Variants in NLGN1 observed in about 807,000 individuals in gnomAD.
NLGN1 encodes neuroligin 1, also known as neuroligin-1.
A neutral mutation model predicts 65.5 loss-of-function variants in NLGN1; 12 were observed. The observed-to-expected ratio is 0.18, with a 90% CI of 0.12 to 0.30. NLGN1 has a LOEUF of 0.30. Ranked by LOEUF, NLGN1 falls within the 10% of genes least tolerant of loss-of-function variation. The pLI, the probability that NLGN1 is intolerant of heterozygous loss-of-function variation, is 1.00. For missense variants in NLGN1, 750 were observed against 1,007.1 expected (o/e 0.74, Z 3.46); for synonymous variants, 350 against 359.5 (o/e 0.97, Z 0.30).
intron 2 of NLGN1, among the ~76,000 whole-genome samples, chr3:173,518,476 TA>T (rs1295156619): frequency 2.7e-4 from 40 of 150,748 alleles, no homozygotes; most frequent in Non-Finnish European, 2.2e-4. Flanking sequence ...TATATATACT[TA>T]TATATTATAA....
chr3:173,717,149 A>G (rs1769995917), intron 3 of NLGN1, among the ~76,000 whole-genome samples: 1 of 152,178 alleles, frequency 6.6e-6, no homozygotes, highest in Non-Finnish European at 1.5e-5. Flanking sequence ...CCAATTTGGT[A>G]TGGTGATGCC....
At chr3:173,472,714 A>G (rs148358790) in intron 2 of NLGN1, among the ~76,000 whole-genome samples, 1 of 152,262 alleles carries the variant, frequency 6.6e-6, no homozygotes, top group East Asian at 1.9e-4. Flanking sequence ...GTGGGAATAC[A>G]TAAAAAACGT....
intron 4 of NLGN1, among the ~76,000 whole-genome samples, chr3:174,055,228 A>G (rs559797916): frequency 6.6e-6 from 1 of 151,132 alleles, no homozygotes. Context: ...TAATTATTGA[A>G]TAAATTAATC....
chr3:174,280,844 C>G lies in NLGN1; in HGVS notation c.2013C>G (p.Asp671Glu). ...GTCCATTTTCAGTGGATCAAAGGGA[C>G]TACTCAACAGAGCTGAGTGTCACTA... is the stretch of plus-strand genomic sequence containing the variant. The change falls in exon 7 of 7, where the codon GAC becomes GAG. Residue 671 changes from aspartate to glutamate, a missense_variant. Transcript: ENST00000457714. The surrounding 1 kb of genome is among the most constrained non-coding windows in gnomAD (Gnocchi z 4.9). 6.2e-7 allele frequency: 1 copy of G among 1,613,406 alleles called. No individual in the cohort carries two copies.
intron 4 of NLGN1, among the ~76,000 whole-genome samples, chr3:173,839,918 C>G (rs1724459866): frequency 6.6e-6 from 1 of 152,186 alleles, no homozygotes. Flanking sequence ...ACTTATAAAG[C>G]AACTGAGGCA....
intron 3 of NLGN1, among the ~76,000 whole-genome samples, chr3:173,787,219 T>G (rs1442028919): frequency 6.6e-6 from 1 of 152,200 alleles, no homozygotes; most frequent in Non-Finnish European, 1.5e-5. Context: ...CATGTGCAAA[T>G]TTTTAAAAAC....
chr3:174,004,969 T>G (rs1300050692), intron 4 of NLGN1, among the ~76,000 whole-genome samples: 1 of 152,300 alleles, frequency 6.6e-6, no homozygotes, highest in East Asian at 1.9e-4. Context: ...GATAAAAGCC[T>G]CTAAAGATTA....
In NLGN1 at chr3:174,253,347, C is replaced by T. The variant is rs148524804; in HGVS notation, c.647-21968C>T. ...GCATCTGTCTCTTGCACCATCTCTGCCAAATGTCACCCTTCCTCTCGGGTT... is the reference window on the plus strand; with the variant it reads ...GCATCTGTCTCTTGCACCATCTCTGTCAAATGTCACCCTTCCTCTCGGGTT... On this transcript the variant is annotated intron_variant, in intron 4 of 6. Coordinates refer to ENST00000457714, the Ensembl canonical transcript of NLGN1. Among the ~76,000 whole-genome samples, 36 of 152,246 alleles carry T rather than the reference C, an allele frequency of 2.4e-4. 1 individual carries two copies. In the East Asian group the frequency reaches 6.8e-3, roughly 29 times the overall value.
rs993307267 is a variant in NLGN1, at chr3:173,604,360, T to A, written c.-239T>A. The A allele has an allele frequency of 1.3e-5, 7 of 520,218 alleles. No individual in the cohort carries two copies. Among genetic ancestry groups the A allele is most frequent in the Non-Finnish European group, 1.0e-5 (3 of 293,862 alleles). 32.2% of individuals were successfully genotyped at this position (520,218 alleles called of 1,614,324 possible). On this transcript the variant is annotated 5_prime_UTR_variant, in exon 3 of 7. The change abolishes an upstream ATG in the 5' untranslated region. Transcript: ENST00000457714. The stretch of plus-strand genomic sequence containing the variant: ...GCCCACTCTTGCCACACTGCTAATA[T>A]GGAAAACAGAATGTTCAATAGGATA...
chr3:174,038,639 G>T (rs184014493), intron 4 of NLGN1, among the ~76,000 whole-genome samples: 1 of 151,722 alleles, frequency 6.6e-6, no homozygotes, highest in African/African-American at 2.4e-5. Flanking sequence ...TTACTCTAAG[G>T]TTACCCCCCT....
At chr3:173,888,577 A>G (rs1734776667) in intron 4 of NLGN1, among the ~76,000 whole-genome samples, 1 of 152,038 alleles carries the variant, frequency 6.6e-6, no homozygotes, top group African/African-American at 2.4e-5. Flanking sequence ...AAACATCATA[A>G]ACTAAATAGC....
chr3:173,721,268 C>T (rs1377068674), intron 3 of NLGN1, among the ~76,000 whole-genome samples: 2 of 152,178 alleles, frequency 1.3e-5, no homozygotes, highest in African/African-American at 4.8e-5. Flanking sequence ...CTGTCCTCAC[C>T]GAGGTGACCT....
intron 4 of NLGN1, among the ~76,000 whole-genome samples, chr3:174,027,621 C>T (rs1729111577): frequency 6.6e-6 from 1 of 152,038 alleles, no homozygotes; most frequent in Non-Finnish European, 1.5e-5. Flanking sequence ...TATATAGTCA[C>T]ACTATATAAG....
At chr3:173,421,235 T>C (rs973990116) in intron 1 of NLGN1, among the ~76,000 whole-genome samples, 1 of 152,018 alleles carries the variant, frequency 6.6e-6, no homozygotes, top group African/African-American at 2.4e-5. Context: ...CCTAGAAAAG[T>C]TATTTATTTG....
chr3:174,162,602 A>C (rs1362174547), intron 4 of NLGN1, among the ~76,000 whole-genome samples: 1 of 151,894 alleles, frequency 6.6e-6, no homozygotes, highest in Admixed American at 6.6e-5. Context: ...TTCATTATTC[A>C]TTATATATAT....
At chr3:173,431,830 C>G (rs1392132295) in intron 1 of NLGN1, among the ~76,000 whole-genome samples, 2 of 152,132 alleles carry the variant, frequency 1.3e-5, no homozygotes, top group African/African-American at 4.8e-5. Flanking sequence ...TAGTATCATG[C>G]AGAATAGTTT....
At chr3:174,178,715 A>T (rs939426975) in intron 4 of NLGN1, among the ~76,000 whole-genome samples, 16 of 152,092 alleles carry the variant, frequency 1.1e-4, no homozygotes, top group African/African-American at 3.6e-4. Flanking sequence ...AAGATACATT[A>T]AAAAAACTTT....
chr3:174,278,702 G>A (rs181891748), intron 5 of NLGN1, among the ~76,000 whole-genome samples, 159 bp from the exon 6 acceptor site: 2 of 151,942 alleles, frequency 1.3e-5, no homozygotes, highest in Non-Finnish European at 2.9e-5. Context: ...TATACCCTGC[G>A]GTTGGCTTTG....
intron 4 of NLGN1, among the ~76,000 whole-genome samples, chr3:173,872,872 G>GA (rs1446590108): frequency 1.3e-5 from 2 of 151,996 alleles, no homozygotes; most frequent in Admixed American, 1.3e-4. Context: ...CCCCCATTTT[G>GA]ACAGCTTTGT....
Sources: gnomAD v4.1 joint callset for allele counts (sites outside exome capture counted in the v4.1 genomes callset) on GRCh38, gnomAD v4.1.1 for gene constraint, Gnocchi (gnomAD v3.1) non-coding constraint, MANE v1.5 for transcripts, NCBI Gene and HGNC (gene_info 2026-07-23, HGNC 2026-07-21) for gene names.